Variants in PEX26 observed in about 807,000 individuals in gnomAD.
PEX26 encodes peroxisomal biogenesis factor 26, also known as peroxisome assembly protein 26.
A neutral mutation model predicts 31.4 loss-of-function variants in PEX26; 18 were observed. The observed-to-expected ratio is 0.57, with a 90% confidence interval of 0.40 to 0.85. The LOEUF is 0.85. Among genes scored for constraint, PEX26 ranks in the 40% least tolerant of loss-of-function variants. PEX26 has a pLI of 0.00. For missense variants in PEX26, 377 were observed against 383.9 expected, an observed-to-expected ratio of 0.98 and a Z score of 0.15; for synonymous variants, 176 against 166.9, an observed-to-expected ratio of 1.05 and a Z score of -0.42.
rs1324457430 is a variant in PEX26 at position 18,101,201 on chromosome 22, T to C, written c.*13126T>C. The C allele has an allele frequency of 2.0e-5, 3 of 152,170 alleles. No homozygotes were observed. The highest frequency in any genetic ancestry group is 7.2e-5 in the African/African-American group (3 of 41,434). 9.4% of individuals were successfully genotyped at this position (152,170 alleles called of 1,614,324 possible). On this transcript the variant is annotated 3_prime_UTR_variant, in exon 5 of 5. Coordinates refer to ENST00000399744, the MANE Select transcript of PEX26 (RefSeq NM_001127649.3). ...AGACTTCTTGACCCAAAGATTCAAA[T>C]ATAGAACTAGGAATTGATTTTCACA...
chr22:18,086,047 C>T (rs1479957287), intron 4 of PEX26, among the ~76,000 whole-genome samples: 1 of 152,142 alleles, frequency 6.6e-6, no homozygotes, highest in Admixed American at 6.5e-5. Context: ...CCTGTAATCC[C>T]AGCACTATGG....
At chr22:18,086,081 T>G (rs546515678) in intron 4 of PEX26, among the ~76,000 whole-genome samples, 1 of 152,144 alleles carries the variant, frequency 6.6e-6, no homozygotes, top group South Asian at 2.1e-4. Flanking sequence ...GTGGATCACC[T>G]GAGGTCAGGA....
chr22:18,097,109 T>TG lies in PEX26; in HGVS notation c.*9035dup, dbSNP rs1927318788. Reference sequence around the variant, plus strand: ...AACAACAGGGGAGAAACTGTTCCTGTGATCCAGTCACCTCCCACCAGGTCC... The same window carrying TG: ...AACAACAGGGGAGAAACTGTTCCTGTGGATCCAGTCACCTCCCACCAGGTCC... On this transcript the variant is annotated 3_prime_UTR_variant, in exon 5 of 5. Transcript: ENST00000399744. 1 of 152,162 alleles carries TG rather than the reference T, an allele frequency of 6.6e-6. No individual in the cohort carries two copies. The highest frequency in any genetic ancestry group is 2.4e-5 in the African/African-American group (1 of 41,442). The allele number at this position is 152,162 out of a possible 1,614,324, so 9.4% of individuals were successfully genotyped here. A position where few individuals can be genotyped will look rare whatever the true frequency, so the allele number is the denominator to read the frequency against.
rs1265048244 is a variant in PEX26 at position 18,088,261 on chromosome 22, T to G, written c.*186T>G. ...TACTTCGGCTGGTCGCGGTAGATGA[T>G]GTGGAAACAAAGCAGGACCAGCAGG... On this transcript the variant is annotated 3_prime_UTR_variant, in exon 5 of 5. Transcript: ENST00000399744. The surrounding 1 kb of genome is among the most constrained non-coding windows in gnomAD (Gnocchi z 4.1). 1 of 695,492 alleles carries G rather than the reference T, an allele frequency of 1.4e-6. No homozygotes were observed. Among genetic ancestry groups the G allele is most frequent in the Admixed American group, 2.0e-5 (1 of 49,904 alleles). 43.1% of individuals were successfully genotyped at this position (695,492 alleles called of 1,614,324 possible).
chr22:18,080,123 G>A, intron 2 of PEX26, 109 bp downstream of exon 2: 1 of 1,175,418 alleles, frequency 8.5e-7, no homozygotes, highest in South Asian at 1.3e-5. Context: ...CCTCCAGATC[G>A]GATTCTTTCC....
chr22:18,085,628 T>C (rs181612828), intron 4 of PEX26, among the ~76,000 whole-genome samples: 1 of 152,230 alleles, frequency 6.6e-6, no homozygotes, highest in East Asian at 1.9e-4. Context: ...CCCAGCACTT[T>C]GGGAGGCCAA....
At chr22:18,081,243 T>TACACAC (rs1221829469) in intron 2 of PEX26, among the ~76,000 whole-genome samples, 2,077 of 62,356 alleles carry the variant, frequency 0.033, 42 homozygotes, top group African/African-American at 0.077. Context: ...TATGTACACA[T>TACACAC]ATACACACAC....
At position 18,078,124 on chromosome 22, in the gene PEX26, C is replaced by T; in HGVS notation, c.-253C>T. 1.5e-6 allele frequency: 1 copy of T among 657,796 alleles called. No homozygotes were observed. Among genetic ancestry groups the T allele is most frequent in the Non-Finnish European group, 2.8e-6 (1 of 356,504 alleles). 40.7% of individuals were successfully genotyped at this position (657,796 alleles called of 1,614,324 possible). A position where few individuals can be genotyped will look rare whatever the true frequency, so the allele number is the denominator to read the frequency against. ...TGTCGCGGGGCCGGAGAAGCTAGGG[C>T]CAGGTATTCCAGGGATGCAAGAATC... On this transcript the variant is annotated 5_prime_UTR_variant, in exon 1 of 5. Coordinates refer to ENST00000399744, the MANE Select transcript of PEX26 (RefSeq NM_001127649.3).
At position 18,090,474 on chromosome 22, in the gene PEX26, T is replaced by G. The variant is rs1298903898; in HGVS notation, c.*2399T>G. On this transcript the variant is annotated 3_prime_UTR_variant, in exon 5 of 5. Transcript: ENST00000399744. ...ACCTGCTCTTGGCCTGGTGAGCCCCTCCACCTTCCAGGCTTACTCAAAGAA... is the reference window on the plus strand; with the variant it reads ...ACCTGCTCTTGGCCTGGTGAGCCCCGCCACCTTCCAGGCTTACTCAAAGAA... The G allele has an allele frequency of 6.6e-6, 1 of 152,378 alleles. No homozygotes were observed. The highest frequency in any genetic ancestry group is 1.5e-5 in the Non-Finnish European group (1 of 68,194). The allele number at this position is 152,378 out of a possible 1,614,324, so 9.4% of individuals were successfully genotyped here. A position where few individuals can be genotyped will look rare whatever the true frequency, so the allele number is the denominator to read the frequency against.
chr22:18,084,720 ACT>A (rs1926766496), intron 3 of PEX26, among the ~76,000 whole-genome samples: 1 of 149,302 alleles, frequency 6.7e-6, no homozygotes, highest in Non-Finnish European at 1.5e-5. Context: ...CTTTTACTAA[ACT>A]CTTTTTTTTT....
In PEX26 at chr22:18,102,798, G is replaced by A. The variant is rs1364902255; in HGVS notation, c.*14723G>A. The A allele has an allele frequency of 6.6e-6, 1 of 152,028 alleles. No homozygotes were observed. Among genetic ancestry groups the A allele is most frequent in the East Asian group, 1.9e-4 (1 of 5,190 alleles). The allele number at this position is 152,028 out of a possible 1,614,324, so 9.4% of individuals were successfully genotyped here. On this transcript the variant is annotated 3_prime_UTR_variant, in exon 5 of 5. Coordinates refer to ENST00000399744, the MANE Select transcript of PEX26 (RefSeq NM_001127649.3). ...AAGTAAATACATTTATTAAAAATAG[G>A]CATGTAGCCGGGCGCAGTGGCTCAC...
rs1927521768 is a variant in PEX26 at position 18,103,470 on chromosome 22, G to A, written c.*15395G>A. The A allele has an allele frequency of 6.6e-6, 1 of 152,128 alleles. No homozygotes were observed. The highest frequency in any genetic ancestry group is 6.6e-5 in the Admixed American group (1 of 15,238). The allele number at this position is 152,128 out of a possible 1,614,324, so 9.4% of individuals were successfully genotyped here. On this transcript the variant is annotated 3_prime_UTR_variant, in exon 5 of 5. Transcript: ENST00000399744. ...TTATTTATCAAAAAGCAGGCATGTA[G>A]GTGAGTTGATTTTCTTCCATGTCTT...
Position 18,088,093 on chromosome 22 carries a change from A to T in PEX26, c.*18A>T. On this transcript the variant is annotated 3_prime_UTR_variant, in exon 5 of 5. Transcript: ENST00000399744. The surrounding 1 kb of genome is among the most constrained non-coding windows in gnomAD (Gnocchi z 4.1). ...GTGACTGAGGGTCCCTGCGCACCAC[A>T]GCCTCTCTGCTCCTCACGTCCGTGG... 1 of 1,503,048 alleles carries T rather than the reference A, an allele frequency of 6.7e-7. No homozygotes were observed. Among genetic ancestry groups the T allele is most frequent in the Admixed American group, 1.7e-5 (1 of 59,886 alleles). 93.1% of individuals were successfully genotyped at this position (1,503,048 alleles called of 1,614,324 possible).
chr22:18,085,921 A>G (rs1220052640), intron 4 of PEX26, among the ~76,000 whole-genome samples: 3 of 152,176 alleles, frequency 2.0e-5, no homozygotes, highest in Non-Finnish European at 4.4e-5. Flanking sequence ...GAATATCTAC[A>G]AAAGTGTTAA....
rs1927440096 is a variant in PEX26, at chr22:18,101,132, A to G, written c.*13057A>G. 2 of 152,230 alleles carry G rather than the reference A, an allele frequency of 1.3e-5. No individual in the cohort carries two copies. Among genetic ancestry groups the G allele is most frequent in the South Asian group, 4.1e-4 (2 of 4,838 alleles). The allele number at this position is 152,230 out of a possible 1,614,324, so 9.4% of individuals were successfully genotyped here. A position where few individuals can be genotyped will look rare whatever the true frequency, so the allele number is the denominator to read the frequency against. ...AGTATTTTTCCAAAAATAATGCTTAAAAGAGACTTCTAGAAACAGTGGGAC... is the reference window on the plus strand; with the variant it reads ...AGTATTTTTCCAAAAATAATGCTTAGAAGAGACTTCTAGAAACAGTGGGAC... On this transcript the variant is annotated 3_prime_UTR_variant, in exon 5 of 5. Transcript: ENST00000399744.
intron 3 of PEX26, 84 bp downstream of exon 3, chr22:18,083,816 G>A (rs1926723551): frequency 4.0e-6 from 5 of 1,264,952 alleles, no homozygotes; most frequent in Admixed American, 1.9e-5. Context: ...AAACTCCTGC[G>A]AGCTTAGAAG....
In PEX26 at chr22:18,101,962, G is replaced by C. The variant is rs1183580252; in HGVS notation, c.*13887G>C. Reference sequence around the variant, plus strand: ...TGAGTAGGAAGTTTGTGAAGCAGGTGGTGGGTGAGATGGAGTGGGTAGAGA... The same window carrying C: ...TGAGTAGGAAGTTTGTGAAGCAGGTCGTGGGTGAGATGGAGTGGGTAGAGA... On this transcript the variant is annotated 3_prime_UTR_variant, in exon 5 of 5. Coordinates refer to ENST00000399744, the MANE Select transcript of PEX26 (RefSeq NM_001127649.3). The C allele has an allele frequency of 6.5e-6, 1 of 154,124 alleles. No homozygotes were observed. Among genetic ancestry groups the C allele is most frequent in the Non-Finnish European group, 1.4e-5 (1 of 69,292 alleles). The allele number at this position is 154,124 out of a possible 1,614,324, so 9.5% of individuals were successfully genotyped here.
intron 1 of PEX26, among the ~76,000 whole-genome samples, 183 bp from the exon 2 acceptor site, chr22:18,079,691 T>G (rs546673994): frequency 2.0e-4 from 30 of 152,298 alleles, no homozygotes; most frequent in African/African-American, 7.0e-4. Context: ...TTACAGGAAC[T>G]TTTAGTTCCT....
Position 18,085,144 on chromosome 22 carries a change from A to G in PEX26, c.700A>G (p.Met234Val). ...CTCCCACAAGTTCCTGTCACTACCG[A>G]TGTTGGTTCGCCAGCTTTGGGACTC... ...SVSHKFLSLPMLVRQLWDSAV... is the reference protein window; with the variant it reads ...SVSHKFLSLPVLVRQLWDSAV... The change falls in exon 4 of 5, where the codon ATG becomes GTG. Residue 234 changes from methionine (M) to valine (V), a missense_variant. Met to Val is a conservative substitution (Grantham distance 21). Coordinates refer to ENST00000399744, the MANE Select transcript of PEX26 (RefSeq NM_001127649.3). 1 of 1,613,878 alleles carries G rather than the reference A, an allele frequency of 6.2e-7. No individual in the cohort carries two copies.
Sources: allele counts gnomAD v4.1 joint callset (sites outside exome capture counted in the v4.1 genomes callset), GRCh38; gene constraint gnomAD v4.1.1; non-coding constraint Gnocchi (gnomAD v3.1); transcripts MANE v1.5; gene names NCBI Gene and HGNC (gene_info 2026-07-23, HGNC 2026-07-21).